Variants in SPRING1 observed in about 807,000 individuals in gnomAD.
SPRING1 encodes the protein SREBF pathway regulator in golgi 1.
In SPRING1, 14 loss-of-function variants were observed where a neutral mutation model predicts 24.7. That is an observed-to-expected ratio of 0.57 (90% CI 0.37 to 0.88). SPRING1 has a LOEUF of 0.88. Ranked by LOEUF, SPRING1 falls within the 40% of genes least tolerant of loss-of-function variation. SPRING1 has a pLI of 0.00. For synonymous variants in SPRING1, 93 were observed against 106.1 expected (o/e 0.88, Z 0.76); for missense variants, 255 against 268.4 (o/e 0.95, Z 0.35).
chr12:116,723,018 A>ACCAGCGTAGGT (rs1237075856), intron 2 of SPRING1, 49 bp downstream of exon 2: 1 of 1,608,862 alleles, frequency 6.2e-7, no homozygotes, highest in Admixed American at 1.7e-5. Context: ...GAATGGCCCA[A>ACCAGCGTAGGT]CCAGCCTACG....
intron 1 of SPRING1, among the ~76,000 whole-genome samples, chr12:116,725,150 G>A (rs1015305135): frequency 9.2e-5 from 14 of 152,116 alleles, no homozygotes; most frequent in Admixed American, 2.6e-4. Context: ...ACAGTTACTC[G>A]CAGTTAACTG....
rs539782146 is a variant in SPRING1 at position 116,717,547 on chromosome 12, C to A, written c.*263G>T. 4 of 363,120 alleles carry A rather than the reference C, an allele frequency of 1.1e-5. No homozygotes were observed. Among genetic ancestry groups the A allele is most frequent in the Non-Finnish European group, 5.0e-6 (1 of 198,794 alleles). The allele number at this position is 363,120 out of a possible 1,614,324, so 22.5% of individuals were successfully genotyped here. A position where few individuals can be genotyped will look rare whatever the true frequency, so the allele number is the denominator to read the frequency against. On this transcript the variant is annotated 3_prime_UTR_variant, in exon 5 of 5. Coordinates refer to ENST00000261318, the MANE Select transcript of SPRING1 (RefSeq NM_024738.4). This position sits in a 1 kb window ranked among gnomAD's most constrained non-coding sequence, Gnocchi z 4.2. ...AGTCATCCAAGAACTCCACCACCAC[C>A]GTGAGCCCGGCCTCCGGTTTCATCT...
In SPRING1 at chr12:116,715,659, G is replaced by A. The variant is rs988607715; in HGVS notation, c.*2151C>T. 4.6e-5 allele frequency: 7 copies of A among 151,272 alleles called. No individual in the cohort carries two copies. The highest frequency in any genetic ancestry group is 1.3e-4 in the Admixed American group (2 of 15,252). 9.4% of individuals were successfully genotyped at this position (151,272 alleles called of 1,614,324 possible). ...ATCTGCTCTCAGGGGAGACGCCCAC[G>A]GTGTCAGGGCTGGAGTTGGCAAGAG... On this transcript the variant is annotated 3_prime_UTR_variant, in exon 5 of 5. Coordinates refer to ENST00000261318, the MANE Select transcript of SPRING1 (RefSeq NM_024738.4).
chr12:116,726,796 T>C (rs997884680), intron 1 of SPRING1, among the ~76,000 whole-genome samples: 3 of 152,198 alleles, frequency 2.0e-5, no homozygotes, highest in Non-Finnish European at 4.4e-5. Context: ...ACGACAAGGT[T>C]AAAAGTGCTC....
rs1340364167 is a variant in SPRING1, at chr12:116,711,905, A to T, written c.*5905T>A. On this transcript the variant is annotated 3_prime_UTR_variant, in exon 5 of 5. Transcript: ENST00000261318. The stretch of plus-strand genomic sequence containing the variant: ...GCTGGGATTACAGGTGTGAGCCACC[A>T]CACCCGGCTGCCAACACCACTTTCG... 1 of 152,164 alleles carries T rather than the reference A, an allele frequency of 6.6e-6. No individual in the cohort carries two copies. Among genetic ancestry groups the T allele is most frequent in the Non-Finnish European group, 1.5e-5 (1 of 68,064 alleles). The allele number at this position is 152,164 out of a possible 1,614,324, so 9.4% of individuals were successfully genotyped here.
intron 2 of SPRING1, among the ~76,000 whole-genome samples, chr12:116,721,910 T>C (rs1172565595): frequency 6.6e-6 from 1 of 152,208 alleles, no homozygotes; most frequent in African/African-American, 2.4e-5. Context: ...AGCCTTGAAA[T>C]GCAGCTCTTT....
intron 1 of SPRING1, among the ~76,000 whole-genome samples, chr12:116,725,722 A>G (rs1041228667): frequency 6.6e-6 from 1 of 152,030 alleles, no homozygotes; most frequent in Middle Eastern, 3.2e-3. Context: ...CGTCTCTACT[A>G]AAAATACAAA....
Position 116,712,562 on chromosome 12 carries a change from C to T in SPRING1, c.*5248G>A, listed in dbSNP as rs1869919901. 1 of 152,090 alleles carries T rather than the reference C, an allele frequency of 6.6e-6. No individual in the cohort carries two copies. Among genetic ancestry groups the T allele is most frequent in the African/African-American group, 2.4e-5 (1 of 41,416 alleles). The allele number at this position is 152,090 out of a possible 1,614,324, so 9.4% of individuals were successfully genotyped here. ...GAGGCGGGGAAAGCTTCTCGGAGTC[C>T]CACTATCTTCTTTGTTTTTATTGCT... On this transcript the variant is annotated 3_prime_UTR_variant, in exon 5 of 5. Coordinates refer to ENST00000261318, the MANE Select transcript of SPRING1 (RefSeq NM_024738.4).
rs570209515 is a variant in SPRING1 at position 116,723,638 on chromosome 12, G to T, written c.112-415C>A. Among the ~76,000 whole-genome samples the T allele has an allele frequency of 7.2e-4, 109 of 152,208 alleles. 1 individual carries two copies. Among genetic ancestry groups the T allele is most frequent in the Non-Finnish European group, 1.5e-3 (104 of 68,026 alleles). ...TGAATACACTTTTTAAAGAGCAGAA[G>T]AAACTTTCGTGACTCTCATCTCAGA... On this transcript the variant is annotated intron_variant, in intron 1 of 4. Transcript: ENST00000261318.
At chr12:116,723,649 G>A (rs1870548332) in intron 1 of SPRING1, among the ~76,000 whole-genome samples, 1 of 152,170 alleles carries the variant, frequency 6.6e-6, no homozygotes, top group Admixed American at 6.5e-5. Context: ...AAACTTTCGT[G>A]ACTCTCATCT....
rs1871374737 is a variant in SPRING1 at position 116,738,013 on chromosome 12, C to T, written c.-113G>A. The T allele has an allele frequency of 8.9e-7, 1 of 1,118,086 alleles. No individual in the cohort carries two copies. Among genetic ancestry groups the T allele is most frequent in the Non-Finnish European group, 1.1e-6 (1 of 913,640 alleles). The allele number at this position is 1,118,086 out of a possible 1,614,324, so 69.3% of individuals were successfully genotyped here. On this transcript the variant is annotated 5_prime_UTR_variant, in exon 1 of 5. Transcript: ENST00000261318. The stretch of plus-strand genomic sequence containing the variant: ...CCCCATCCCTCCAGGCAGGCGCCGG[C>T]CCCGCCGCCCGCAGCCCAGTCTGCT...
At chr12:116,733,392 C>A (rs749586190) in intron 1 of SPRING1, among the ~76,000 whole-genome samples, 4 of 140,984 alleles carry the variant, frequency 2.8e-5, no homozygotes, top group Admixed American at 1.4e-4. Context: ...CCGTGTTAGC[C>A]AGGATGATCT....
chr12:116,732,536 C>A (rs565304344), intron 1 of SPRING1, among the ~76,000 whole-genome samples: 1 of 152,130 alleles, frequency 6.6e-6, no homozygotes, highest in Non-Finnish European at 1.5e-5. Flanking sequence ...GGCGAAACCC[C>A]GTCTCTACTA....
chr12:116,734,167 G>A (rs951706911), intron 1 of SPRING1, among the ~76,000 whole-genome samples: 6 of 152,104 alleles, frequency 3.9e-5, no homozygotes, highest in Non-Finnish European at 5.9e-5. Flanking sequence ...GTGAGCCATC[G>A]CACCCAGCCC....
intron 1 of SPRING1, among the ~76,000 whole-genome samples, chr12:116,730,682 A>G (rs1870931864): frequency 6.6e-6 from 1 of 152,184 alleles, no homozygotes; most frequent in African/African-American, 2.4e-5. Context: ...TTGCACATTG[A>G]ACAGATCTTA....
intron 2 of SPRING1, among the ~76,000 whole-genome samples, chr12:116,722,788 G>A (rs982582718): frequency 1.3e-5 from 2 of 152,194 alleles, no homozygotes; most frequent in African/African-American, 4.8e-5. Context: ...GAGATTGTCA[G>A]AAGGGGCCTG....
intron 1 of SPRING1, among the ~76,000 whole-genome samples, chr12:116,736,859 C>T (rs1302370757): frequency 1.3e-5 from 2 of 152,102 alleles, no homozygotes; most frequent in East Asian, 3.9e-4. Flanking sequence ...AAGTTATGCA[C>T]AAAAAGCATA....
chr12:116,735,723 A>G lies in SPRING1; in HGVS notation c.111+2067T>C, dbSNP rs907711392. Among the ~76,000 whole-genome samples, 19 of 144,940 alleles carry G rather than the reference A, an allele frequency of 1.3e-4. No homozygotes were observed. In the South Asian group the frequency reaches 2.2e-3, roughly 17 times the overall value. On this transcript the variant is annotated intron_variant, in intron 1 of 4. Coordinates refer to ENST00000261318, the MANE Select transcript of SPRING1 (RefSeq NM_024738.4). ...ACTCCAGCCTGGGTAACAGAGTGAG[A>G]CTCCATGTTAAAAAAGGTTAAGATG...
Position 116,720,011 on chromosome 12 carries a change from G to T in SPRING1, c.421-135C>A. ...GGAGGAGAAAAGGAGGGAGGGGAAAGGACACACGCGTGCACACACGTGCAT... is the reference window on the plus strand; with the variant it reads ...GGAGGAGAAAAGGAGGGAGGGGAAATGACACACGCGTGCACACACGTGCAT... On this transcript the variant is annotated intron_variant, in intron 3 of 4. Transcript: ENST00000261318. The surrounding 1 kb of genome is among the most constrained non-coding windows in gnomAD (Gnocchi z 4.0). 1.2e-6 allele frequency: 1 copy of T among 801,084 alleles called. No individual in the cohort carries two copies. The highest frequency in any genetic ancestry group is 2.0e-6 in the Non-Finnish European group (1 of 493,522). The allele number at this position is 801,084 out of a possible 1,614,324, so 49.6% of individuals were successfully genotyped here. A position where few individuals can be genotyped will look rare whatever the true frequency, so the allele number is the denominator to read the frequency against.
Sources: allele counts gnomAD v4.1 joint callset (sites outside exome capture counted in the v4.1 genomes callset), GRCh38; gene constraint gnomAD v4.1.1; non-coding constraint Gnocchi (gnomAD v3.1); transcripts MANE v1.5; gene names NCBI Gene and HGNC (gene_info 2026-07-23, HGNC 2026-07-21).